LSAMP: variants seen among roughly 807,000 people sequenced by gnomAD.
LSAMP encodes limbic system associated membrane protein.
In LSAMP, 7 loss-of-function variants were observed where a neutral mutation model predicts 38.6. That is an observed-to-expected ratio of 0.18 (90% confidence interval 0.10 to 0.34). The LOEUF (loss-of-function observed/expected upper bound fraction) is 0.34, where lower values mean the gene tolerates loss of function less well. Ranked by LOEUF, LSAMP falls within the 10% of genes least tolerant of loss-of-function variation. LSAMP has a pLI of 1.00. For synonymous variants in LSAMP, 154 were observed against 166.8 expected (o/e 0.92, Z 0.59); for missense variants, 313 against 420.0 (o/e 0.75, Z 2.23).
At chr3:116,143,466 T>C (rs1206545940) in intron 1 of LSAMP, among the ~76,000 whole-genome samples, 1 of 151,960 alleles carries the variant, frequency 6.6e-6, no homozygotes, top group Non-Finnish European at 1.5e-5. Context: ...TAGAGTGTAA[T>C]TGGATTATTG....
chr3:115,840,698 A>T (rs1054933522), intron 6 of LSAMP, among the ~76,000 whole-genome samples: 5 of 152,250 alleles, frequency 3.3e-5, no homozygotes, highest in Non-Finnish European at 7.3e-5. Flanking sequence ...ACTACATTTC[A>T]AGAGAACTCT....
rs146930759 is a variant in LSAMP, at chr3:116,195,360, C to CT, written c.156-108805dup. Among the ~76,000 whole-genome samples the CT allele has an allele frequency of 1.7e-3, 254 of 152,218 alleles. 1 individual carries two copies. The highest frequency in any genetic ancestry group is 5.8e-3 in the African/African-American group (240 of 41,532). The stretch of plus-strand genomic sequence containing the variant: ...AGTGTGTCTTCACCAATACAACCAT[C>CT]TTTTTTTCAGGCTTTCTATTATTAA... On this transcript the variant is annotated intron_variant, in intron 1 of 6. Transcript: ENST00000490035.
chr3:115,997,729 T>C (rs1219616446), intron 3 of LSAMP, among the ~76,000 whole-genome samples: 2 of 132,066 alleles, frequency 1.5e-5, no homozygotes, highest in Non-Finnish European at 3.2e-5. Context: ...TATATATATA[T>C]ATATATATAT....
At chr3:115,987,568 G>A (rs1939546605) in intron 3 of LSAMP, among the ~76,000 whole-genome samples, 2 of 152,142 alleles carry the variant, frequency 1.3e-5, no homozygotes, top group Non-Finnish European at 2.9e-5. Flanking sequence ...TATAAGAACA[G>A]TAAAATGTCT....
At chr3:116,136,702 T>C (rs1709255107) in intron 1 of LSAMP, among the ~76,000 whole-genome samples, 2 of 152,150 alleles carry the variant, frequency 1.3e-5, no homozygotes. Context: ...TCAGTCTTCA[T>C]TCATGTGTGC....
At chr3:115,869,364 C>G (rs1178479899) in intron 3 of LSAMP, among the ~76,000 whole-genome samples, 1 of 151,322 alleles carries the variant, frequency 6.6e-6, no homozygotes, top group Non-Finnish European at 1.5e-5. Flanking sequence ...TTTGAAATCT[C>G]TACTTGATGA....
intron 1 of LSAMP, among the ~76,000 whole-genome samples, chr3:116,389,049 C>A (rs1377771038): frequency 2.0e-5 from 3 of 152,080 alleles, no homozygotes; most frequent in Non-Finnish European, 4.4e-5. Flanking sequence ...GTCAAGAAAC[C>A]CAAGTTCTAA....
intron 1 of LSAMP, among the ~76,000 whole-genome samples, chr3:116,356,227 T>C (rs2048221994): frequency 6.6e-6 from 1 of 152,182 alleles, no homozygotes; most frequent in African/African-American, 2.4e-5. Context: ...ACATATTATA[T>C]ACAATGGAGT....
intron 1 of LSAMP, among the ~76,000 whole-genome samples, chr3:116,149,447 T>TGAGGA (rs2107525245): frequency 6.6e-6 from 1 of 152,100 alleles, no homozygotes; most frequent in African/African-American, 2.4e-5. Flanking sequence ...GTTGAAAATT[T>TGAGGA]GAGGATGGAG....
intron 1 of LSAMP, among the ~76,000 whole-genome samples, chr3:116,383,436 G>C (rs2048587773): frequency 6.6e-6 from 1 of 152,048 alleles, no homozygotes; most frequent in Admixed American, 6.6e-5. Flanking sequence ...GGGAAATGTA[G>C]AATTCTATTA....
Position 116,245,073 on chromosome 3 carries a change from G to A in LSAMP, c.156-158517C>T, listed in dbSNP as rs114313582. Among the ~76,000 whole-genome samples, 900 of 152,268 alleles carry A rather than the reference G, an allele frequency of 5.9e-3. 7 individuals carry two copies. The highest frequency in any genetic ancestry group is 0.024 in the Middle Eastern group (7 of 294). ...GTAGCTCAGAATGTGACTATACTAGGAGATAGAGTCTAAAGAGGTAATTAA... is the reference window on the plus strand; with the variant it reads ...GTAGCTCAGAATGTGACTATACTAGAAGATAGAGTCTAAAGAGGTAATTAA... On this transcript the variant is annotated intron_variant, in intron 1 of 6. Transcript: ENST00000490035.
At chr3:115,928,586 T>C (rs1344623000) in intron 3 of LSAMP, among the ~76,000 whole-genome samples, 2 of 152,222 alleles carry the variant, frequency 1.3e-5, no homozygotes, top group Non-Finnish European at 1.5e-5. Context: ...AAGTGCATAT[T>C]GTGAATCTCT....
chr3:116,149,310 C>G (rs969684545), intron 1 of LSAMP, among the ~76,000 whole-genome samples: 8 of 151,976 alleles, frequency 5.3e-5, no homozygotes, highest in Middle Eastern at 3.2e-3. Flanking sequence ...AGGGTGTGCA[C>G]TGCCTTTGCT....
intron 1 of LSAMP, among the ~76,000 whole-genome samples, chr3:116,232,695 C>CTTTTTTTTTTTTT (rs1358749128): frequency 3.7e-5 from 1 of 27,304 alleles, no homozygotes; most frequent in African/African-American, 7.7e-5. Context: ...TTCTTTCTTT[C>CTTTTTTTTTTTTT]TTTCTTTTTT....
At chr3:115,870,147 C>T (rs987015652) in intron 3 of LSAMP, among the ~76,000 whole-genome samples, 1 of 152,230 alleles carries the variant, frequency 6.6e-6, no homozygotes, top group Non-Finnish European at 1.5e-5. Context: ...TTGTCTATGG[C>T]TGCTTTCAGT....
intron 4 of LSAMP, among the ~76,000 whole-genome samples, chr3:115,847,243 A>G (rs532685002): frequency 6.6e-6 from 1 of 152,172 alleles, no homozygotes; most frequent in Non-Finnish European, 1.5e-5. Context: ...CTACGTGGGG[A>G]TGATATAGTT....
In LSAMP at chr3:116,124,786, A is replaced by C. The variant is rs552941608; in HGVS notation, c.156-38230T>G. ...GCTGTAGACATGGACATGGTCATAC[A>C]CACTCAAAGAGAAAACACAATTGGG... On this transcript the variant is annotated intron_variant, in intron 1 of 6. Transcript: ENST00000490035. Among the ~76,000 whole-genome samples, 3 of 152,344 alleles carry C rather than the reference A, an allele frequency of 2.0e-5. No homozygotes were observed. In the East Asian group the frequency reaches 5.8e-4, roughly 29 times the overall value.
intron 4 of LSAMP, among the ~76,000 whole-genome samples, chr3:115,845,907 C>T (rs1935143066): frequency 6.6e-6 from 1 of 152,238 alleles, no homozygotes; most frequent in East Asian, 1.9e-4. Context: ...AGACCAACTA[C>T]TTGCTTCTCT....
chr3:116,081,418 C>T (rs1707869793), intron 2 of LSAMP, among the ~76,000 whole-genome samples: 1 of 151,556 alleles, frequency 6.6e-6, no homozygotes, highest in Non-Finnish European at 1.5e-5. Flanking sequence ...GGTGCCACTG[C>T]ACTCCAGCCT....
Sources: gnomAD v4.1 joint callset for allele counts (sites outside exome capture counted in the v4.1 genomes callset) on GRCh38, gnomAD v4.1.1 for gene constraint, MANE v1.5 for transcripts, NCBI Gene and HGNC (gene_info 2026-07-23, HGNC 2026-07-21) for gene names.